The following BMERB1 variants were observed in gnomAD, a reference collection of about 807,000 sequenced individuals.
The protein encoded by BMERB1 is bMERB domain containing 1, also known as bMERB domain-containing protein 1.
Under a neutral mutation model 23.6 loss-of-function variants are expected in BMERB1, and 12 were observed. That is an observed-to-expected ratio of 0.51 (90% CI 0.33 to 0.82). BMERB1 has a LOEUF of 0.82. Among genes scored for constraint, BMERB1 ranks in the 40% least tolerant of loss-of-function variants. BMERB1 has a pLI of 0.03. For missense variants in BMERB1, 247 were observed against 255.4 expected (o/e 0.97, Z 0.22); for synonymous variants, 122 against 96.6 (o/e 1.26, Z -1.54).
chr16:15,518,562 G>A (rs970280386), intron 2 of BMERB1, among the ~76,000 whole-genome samples: 1 of 152,218 alleles, frequency 6.6e-6, no homozygotes, highest in Non-Finnish European at 1.5e-5. Context: ...CAGGCCAACA[G>A]GCTTTGAGCC....
intron 1 of BMERB1, among the ~76,000 whole-genome samples, chr16:15,461,360 A>G (rs2051133497): frequency 6.6e-6 from 1 of 152,094 alleles, no homozygotes; most frequent in Non-Finnish European, 1.5e-5. Flanking sequence ...ATTCGTTATC[A>G]ATAAAACATA....
intron 5 of BMERB1, among the ~76,000 whole-genome samples, chr16:15,585,041 G>T (rs1001454114): frequency 1.3e-5 from 2 of 152,152 alleles, no homozygotes; most frequent in Non-Finnish European, 2.9e-5. Flanking sequence ...ACCAAAAGCT[G>T]CCACTGTCTA....
At chr16:15,549,857 A>G in intron 2 of BMERB1, among the ~76,000 whole-genome samples, 1 of 151,972 alleles carries the variant, frequency 6.6e-6, no homozygotes, top group East Asian at 1.9e-4. Flanking sequence ...TTTTTCTTAC[A>G]CTTTCCACAA....
chr16:15,584,086 A>T (rs1567508396), intron 5 of BMERB1: 1 of 701,642 alleles, frequency 1.4e-6, no homozygotes, highest in African/African-American at 1.7e-5. Context: ...AGAGGGTTTT[A>T]TATGAAATAA....
At chr16:15,544,989 T>TG (rs2052119630) in intron 2 of BMERB1, among the ~76,000 whole-genome samples, 1 of 152,082 alleles carries the variant, frequency 6.6e-6, no homozygotes, top group Non-Finnish European at 1.5e-5. Context: ...TTCTTTTTTT[T>TG]TGAGACGGAG....
chr16:15,555,407 G>T (rs932370487), intron 2 of BMERB1, among the ~76,000 whole-genome samples: 2 of 152,156 alleles, frequency 1.3e-5, no homozygotes, highest in Admixed American at 6.5e-5. Context: ...GAAAAGAGCA[G>T]TATTAGTAGT....
chr16:15,458,599 T>TC (rs2150926895), intron 1 of BMERB1, among the ~76,000 whole-genome samples: 1 of 151,392 alleles, frequency 6.6e-6, no homozygotes, highest in South Asian at 2.1e-4. Flanking sequence ...CACCTGTAGT[T>TC]CCAGCTACTT....
chr16:15,524,607 A>C (rs1257446538), intron 2 of BMERB1, among the ~76,000 whole-genome samples: 2 of 152,088 alleles, frequency 1.3e-5, no homozygotes, highest in Non-Finnish European at 2.9e-5. Flanking sequence ...ATCTCTACTA[A>C]AAATACAAAA....
chr16:15,520,323 A>G (rs1462987666), intron 2 of BMERB1, among the ~76,000 whole-genome samples: 1 of 151,974 alleles, frequency 6.6e-6, no homozygotes, highest in Non-Finnish European at 1.5e-5. Flanking sequence ...CGCAAGGACA[A>G]ACCCCCGATT....
At chr16:15,458,191 GC>G in intron 1 of BMERB1, among the ~76,000 whole-genome samples, 1 of 152,218 alleles carries the variant, frequency 6.6e-6, no homozygotes, top group East Asian at 1.9e-4. Flanking sequence ...TCTTCTCTTG[GC>G]TTTTGTGAAG....
At chr16:15,491,102 G>A (rs1466512644) in intron 1 of BMERB1, among the ~76,000 whole-genome samples, 3 of 152,026 alleles carry the variant, frequency 2.0e-5, no homozygotes, top group African/African-American at 4.8e-5. Context: ...TTCCCGCCTC[G>A]GCCTCCCAAA....
intron 2 of BMERB1, among the ~76,000 whole-genome samples, chr16:15,522,000 T>A (rs985494769): frequency 3.9e-5 from 6 of 152,164 alleles, no homozygotes; most frequent in Non-Finnish European, 8.8e-5. Context: ...TTTTAATAAT[T>A]CTTCTTGCAG....
chr16:15,504,808 A>G (rs2051568789), intron 1 of BMERB1, among the ~76,000 whole-genome samples: 2 of 152,036 alleles, frequency 1.3e-5, no homozygotes, highest in African/African-American at 4.8e-5. Flanking sequence ...AAAAACCCAA[A>G]CAAGAGAAAA....
At chr16:15,509,158 T>C (rs913436893) in intron 1 of BMERB1, among the ~76,000 whole-genome samples, 11 of 151,924 alleles carry the variant, frequency 7.2e-5, no homozygotes, top group South Asian at 4.2e-4. Context: ...GTGTTGCCGT[T>C]TTCAGCATCT....
At chr16:15,579,233 G>A (rs545903895) in intron 3 of BMERB1, among the ~76,000 whole-genome samples, 2 of 152,304 alleles carry the variant, frequency 1.3e-5, no homozygotes, top group Admixed American at 6.5e-5. Context: ...TGAGTGAGCA[G>A]GGGTCCTGGT....
At chr16:15,520,275 GCC>G (rs2051834449) in intron 2 of BMERB1, among the ~76,000 whole-genome samples, 1 of 152,016 alleles carries the variant, frequency 6.6e-6, no homozygotes, top group South Asian at 2.1e-4. Flanking sequence ...TATTCTCAAT[GCC>G]AGGACCCCTT....
chr16:15,476,495 G>A (rs977849187), intron 1 of BMERB1, among the ~76,000 whole-genome samples: 1 of 152,186 alleles, frequency 6.6e-6, no homozygotes, highest in African/African-American at 2.4e-5. Context: ...CTGCCAGGTG[G>A]GTGTGGAGGT....
Position 15,500,484 on chromosome 16 carries a change from GAA to G in BMERB1, c.107-14820_107-14819del, listed in dbSNP as rs537155550. Among the ~76,000 whole-genome samples, 34 of 152,280 alleles carry G rather than the reference GAA, an allele frequency of 2.2e-4. 1 individual carries two copies. In the South Asian group the frequency reaches 7.0e-3, roughly 32 times the overall value. ...CATGAGAGCAGTTAAGAGGGAAGCA[GAA>G]GAGTCCTGAAATGGAGAAACACCTC... On this transcript the variant is annotated intron_variant, in intron 1 of 5. Coordinates refer to ENST00000300006, the MANE Select transcript of BMERB1 (RefSeq NM_033201.3).
intron 3 of BMERB1, among the ~76,000 whole-genome samples, chr16:15,572,379 C>T (rs1313552711): frequency 6.6e-6 from 1 of 152,128 alleles, no homozygotes; most frequent in East Asian, 1.9e-4. Context: ...TTACTAGGTG[C>T]CCAGCACTGT....
Sources: gnomAD v4.1 joint callset for allele counts (sites outside exome capture counted in the v4.1 genomes callset) on GRCh38, gnomAD v4.1.1 for gene constraint, MANE v1.5 for transcripts, NCBI Gene and HGNC (gene_info 2026-07-23, HGNC 2026-07-21) for gene names.